CDYL2: variants seen among roughly 807,000 people sequenced by gnomAD.
CDYL2 encodes the protein chromodomain Y like 2, also known as chromodomain Y-like protein 2.
Under a neutral mutation model 49.4 loss-of-function variants are expected in CDYL2, and 23 were observed. That is an observed-to-expected ratio of 0.47 (90% CI 0.34 to 0.66). The LOEUF is 0.66. CDYL2 is among the 30% of genes least tolerant of loss of function. The pLI, the probability that CDYL2 is intolerant of heterozygous loss-of-function variation, is 0.01. For synonymous variants in CDYL2, 360 were observed against 268.8 expected, an observed-to-expected ratio of 1.34 and a Z score of -3.32; for missense variants, 678 against 656.4, an observed-to-expected ratio of 1.03 and a Z score of -0.36.
At chr16:80,752,781 G>A (rs1206782318) in intron 1 of CDYL2, among the ~76,000 whole-genome samples, 1 of 152,186 alleles carries the variant, frequency 6.6e-6, no homozygotes, top group Non-Finnish European at 1.5e-5. Context: ...TCCCGCTGTG[G>A]CTGATGTCAG....
intron 2 of CDYL2, among the ~76,000 whole-genome samples, chr16:80,682,014 T>C (rs749343045): frequency 3.9e-5 from 6 of 152,164 alleles, no homozygotes; most frequent in Admixed American, 2.6e-4. Flanking sequence ...CATCTCAAAA[T>C]GCGGTAGAGT....
At chr16:80,731,256 G>C (rs546015999) in intron 1 of CDYL2, among the ~76,000 whole-genome samples, 1 of 151,552 alleles carries the variant, frequency 6.6e-6, no homozygotes, top group Non-Finnish European at 1.5e-5. Context: ...AAACATCAGC[G>C]CAAAAGCAGA....
In CDYL2 at chr16:80,604,295, C is replaced by G; in HGVS notation, c.*93G>C. The G allele has an allele frequency of 1.4e-6, 2 of 1,421,970 alleles. No homozygotes were observed. The highest frequency in any genetic ancestry group is 2.0e-6 in the Non-Finnish European group (2 of 1,023,200). The allele number at this position is 1,421,970 out of a possible 1,614,324, so 88.1% of individuals were successfully genotyped here. A position where few individuals can be genotyped will look rare whatever the true frequency, so the allele number is the denominator to read the frequency against. On this transcript the variant is annotated 3_prime_UTR_variant, in exon 7 of 7. Transcript: ENST00000570137. Reference sequence around the variant, plus strand: ...CACAACCCTACGTATAAAGAGACACCTTGACAAACTCCTTGGCCGGGGCAG... The same window carrying G: ...CACAACCCTACGTATAAAGAGACACGTTGACAAACTCCTTGGCCGGGGCAG...
At chr16:80,693,147 G>C (rs942106983) in intron 1 of CDYL2, among the ~76,000 whole-genome samples, 3 of 151,612 alleles carry the variant, frequency 2.0e-5, no homozygotes, top group Non-Finnish European at 4.4e-5. Flanking sequence ...CGGGGTGGGG[G>C]TGAGAGTGAT....
intron 1 of CDYL2, among the ~76,000 whole-genome samples, chr16:80,710,547 G>T (rs546055713): frequency 6.6e-6 from 1 of 152,192 alleles, no homozygotes; most frequent in Non-Finnish European, 1.5e-5. Flanking sequence ...TAACTGAAAA[G>T]ACTATGTAAC....
At chr16:80,797,499 A>C (rs1907800176) in intron 1 of CDYL2, among the ~76,000 whole-genome samples, 1 of 152,216 alleles carries the variant, frequency 6.6e-6, no homozygotes, top group Admixed American at 6.5e-5. Flanking sequence ...GCAGGATTGT[A>C]TGGAACTTCC....
intron 1 of CDYL2, among the ~76,000 whole-genome samples, chr16:80,744,358 G>A (rs1905853107): frequency 6.6e-6 from 1 of 152,040 alleles, no homozygotes; most frequent in African/African-American, 2.4e-5. Context: ...GGAAAGCAGA[G>A]ATTTCTTTCC....
rs368651570 is a variant in CDYL2 at position 80,657,424 on chromosome 16, C to A, written c.617-24188G>T. Among the ~76,000 whole-genome samples, 11 of 152,060 alleles carry A rather than the reference C, an allele frequency of 7.2e-5. No homozygotes were observed. The East Asian group carries it at 1.2e-3, about 16-fold the overall frequency. On this transcript the variant is annotated intron_variant, in intron 2 of 6. Coordinates refer to ENST00000570137, the MANE Select transcript of CDYL2 (RefSeq NM_152342.4). Reference sequence around the variant, plus strand: ...CCCAATTGTAAAGAACTTTTAAACACTGAAGATAAGAAGACCAAAAATTCC... The same window carrying A: ...CCCAATTGTAAAGAACTTTTAAACAATGAAGATAAGAAGACCAAAAATTCC...
At chr16:80,623,668 C>A (rs2142379438) in intron 3 of CDYL2, among the ~76,000 whole-genome samples, 1 of 152,316 alleles carries the variant, frequency 6.6e-6, no homozygotes, top group South Asian at 2.1e-4. Context: ...ACTTAGCCTT[C>A]TGGGGGAGTC....
chr16:80,694,379 T>C (rs1910539596), intron 1 of CDYL2, among the ~76,000 whole-genome samples: 1 of 152,118 alleles, frequency 6.6e-6, no homozygotes, highest in Admixed American at 6.5e-5. Flanking sequence ...GTTGGTAAAA[T>C]TGTTTTTTGC....
In CDYL2 at chr16:80,619,950, T is replaced by C. The variant is rs533824792; in HGVS notation, c.1007+813A>G. 9.2e-5 allele frequency among the ~76,000 whole-genome samples: 14 copies of C among 152,166 alleles called. No individual in the cohort carries two copies. The East Asian group carries it at 2.7e-3, about 29-fold the overall frequency. On this transcript the variant is annotated intron_variant, in intron 4 of 6. Transcript: ENST00000570137. Reference sequence around the variant, plus strand: ...CATAGAGACTGGAGGCCCCAGAAAATCCCTGACTTGTGGCCTGAGGCTCCG... The same window carrying C: ...CATAGAGACTGGAGGCCCCAGAAAACCCCTGACTTGTGGCCTGAGGCTCCG...
chr16:80,781,414 G>T (rs1183855560), intron 1 of CDYL2, among the ~76,000 whole-genome samples: 1 of 152,130 alleles, frequency 6.6e-6, no homozygotes, highest in Non-Finnish European at 1.5e-5. Context: ...AAATAGGAGG[G>T]AGAGACAGAC....
At position 80,684,966 on chromosome 16, in the gene CDYL2, T is replaced by A; in HGVS notation, c.188A>T (p.Asp63Val). 1 of 1,614,188 alleles carries A rather than the reference T, an allele frequency of 6.2e-7. No individual in the cohort carries two copies. Among genetic ancestry groups the A allele is most frequent in the African/African-American group, 1.3e-5 (1 of 75,044 alleles). ...DEFNGLHMSK[D>V]KRIKSGKQSS... ...CTGCTTCCCTGACTTGATCCTCTTG[T>A]CCTTGGACATGTGCAACCCATTGAA... Residue 63 changes from aspartate (D) to valine (V), a missense_variant, in exon 2 of 7, where the codon GAC becomes GTC. Physicochemically the swap from Asp to Val is radical, Grantham distance 152 (BLOSUM62 -3). Coordinates refer to ENST00000570137, the MANE Select transcript of CDYL2 (RefSeq NM_152342.4).
intron 2 of CDYL2, among the ~76,000 whole-genome samples, chr16:80,649,970 C>A (rs573176754): frequency 1.3e-5 from 2 of 152,220 alleles, no homozygotes; most frequent in East Asian, 3.9e-4. Flanking sequence ...AAAATCAAAT[C>A]AAAATTGAAA....
intron 1 of CDYL2, among the ~76,000 whole-genome samples, chr16:80,760,944 C>T (rs1906506834): frequency 6.6e-6 from 1 of 152,040 alleles, no homozygotes; most frequent in South Asian, 2.1e-4. Flanking sequence ...ATTTAATGCG[C>T]AAAGGTGACA....
intron 3 of CDYL2, among the ~76,000 whole-genome samples, chr16:80,623,647 G>A (rs4889171): frequency 0.07 from 10,582 of 152,230 alleles, 980 homozygotes; most frequent in East Asian, 0.3. Context: ...GCTGCTTTAC[G>A]ATATGAACTC....
intron 1 of CDYL2, among the ~76,000 whole-genome samples, chr16:80,766,214 C>A (rs1906719494): frequency 6.6e-6 from 1 of 151,756 alleles, no homozygotes; most frequent in East Asian, 1.9e-4. Flanking sequence ...CTAAAAACTA[C>A]CGAATTGCAT....
chr16:80,776,805 C>T (rs905108081), intron 1 of CDYL2, among the ~76,000 whole-genome samples: 3 of 151,316 alleles, frequency 2.0e-5, no homozygotes, highest in Non-Finnish European at 4.4e-5. Context: ...GGGATGCATA[C>T]GTATATATTA....
chr16:80,673,603 TG>T (rs1909621357), intron 2 of CDYL2, among the ~76,000 whole-genome samples: 1 of 152,190 alleles, frequency 6.6e-6, no homozygotes, highest in South Asian at 2.1e-4. Flanking sequence ...AACATTTCCT[TG>T]TTACCAGCAG....
Sources: allele counts gnomAD v4.1 joint callset (sites outside exome capture counted in the v4.1 genomes callset), GRCh38; gene constraint gnomAD v4.1.1; transcripts MANE v1.5; gene names NCBI Gene and HGNC (gene_info 2026-07-23, HGNC 2026-07-21).